Variants in ME1 observed in about 807,000 individuals in gnomAD.
ME1 encodes the protein malic enzyme 1.
In ME1, 74 loss-of-function variants were observed where a neutral mutation model predicts 66.4. The ratio of observed to expected loss-of-function variants is 1.11; its 90% CI spans 0.92 to 1.35. The LOEUF (loss-of-function observed/expected upper bound fraction) is 1.35. Among genes scored for constraint, ME1 ranks in the 40% most tolerant of loss-of-function variants. The pLI, the probability that ME1 is intolerant of heterozygous loss-of-function variation, is 0.00. For synonymous variants in ME1, 251 were observed against 235.6 expected (o/e 1.07, Z -0.60); for missense variants, 750 against 694.1 (o/e 1.08, Z -0.90).
intron 6 of ME1, among the ~76,000 whole-genome samples, chr6:83,303,746 T>C (rs928999820): frequency 4.6e-5 from 7 of 152,146 alleles, no homozygotes; most frequent in African/African-American, 1.7e-4. Context: ...TTTAGAAACA[T>C]TTAATTCTAA....
intron 5 of ME1, among the ~76,000 whole-genome samples, chr6:83,339,917 A>G (rs1356048242): frequency 7.0e-6 from 1 of 142,016 alleles, no homozygotes; most frequent in Non-Finnish European, 1.5e-5. Context: ...ACATGTATAC[A>G]TATGTAACTA....
Position 83,227,356 on chromosome 6 carries a change from C to T in ME1, c.1254G>A (p.Glu418=), listed in dbSNP as rs1310464270. 8 of 1,581,924 alleles carry T rather than the reference C, an allele frequency of 5.1e-6. No individual in the cohort carries two copies. In the Admixed American group the frequency reaches 6.9e-5, roughly 14 times the overall value. ...NPTSKAECSA[E]QCYKITKGRA... The stretch of plus-strand genomic sequence containing the variant: ...TTACCTTGGTTATTTTGTAGCACTG[C>T]TCTGCAGAACATTCTGCTTTGCTAG... Residue 418 remains glutamate, a synonymous_variant, in exon 11 of 14, where the codon GAG becomes GAA. Coordinates refer to ENST00000369705, the MANE Select transcript of ME1 (RefSeq NM_002395.6).
At chr6:83,399,149 C>G (rs1769797650) in intron 2 of ME1, among the ~76,000 whole-genome samples, 1 of 151,698 alleles carries the variant, frequency 6.6e-6, no homozygotes, top group Admixed American at 6.6e-5. Flanking sequence ...CGTGCACCAA[C>G]AAGCCCGGCT....
chr6:83,239,848 A>C (rs1790478939), intron 7 of ME1, among the ~76,000 whole-genome samples: 2 of 152,040 alleles, frequency 1.3e-5, no homozygotes, highest in African/African-American at 4.8e-5. Flanking sequence ...ATTCTTGAAA[A>C]CTTCCCTAAA....
Position 83,376,804 on chromosome 6 carries a change from C to CAAAAAAAAAAAAAAAAA in ME1, c.362+21562_362+21563insTTTTTTTTTTTTTTTTT, listed in dbSNP as rs70987750. ...GGCGACAGAACCAGACCCTGTCTCA[C>CAAAAAAAAAAAAAAAAA]AAAAAAAAAAAAAAAATTCAAAAAA... On this transcript the variant is annotated intron_variant, in intron 3 of 13. Coordinates refer to ENST00000369705, the MANE Select transcript of ME1 (RefSeq NM_002395.6). 5.2e-3 allele frequency among the ~76,000 whole-genome samples: 454 copies of CAAAAAAAAAAAAAAAAA among 86,936 alleles called. 14 individuals carry two copies. Among genetic ancestry groups the CAAAAAAAAAAAAAAAAA allele is most frequent in the African/African-American group, 0.016 (407 of 25,482 alleles). 57.0% of individuals were successfully genotyped at this position (86,936 alleles called of 152,430 possible).
intron 5 of ME1, among the ~76,000 whole-genome samples, chr6:83,317,237 T>A (rs2128539626): frequency 6.6e-6 from 1 of 151,498 alleles, no homozygotes; most frequent in South Asian, 2.1e-4. Context: ...TTTTAATAAC[T>A]TTTTAAGAAA....
rs554857952 is a variant in ME1 at position 83,358,866 on chromosome 6, G to GT, written c.363-6728dup. Among the ~76,000 whole-genome samples the GT allele has an allele frequency of 9.8e-4, 144 of 146,278 alleles. 1 individual carries two copies. The highest frequency in any genetic ancestry group is 2.0e-3 in the East Asian group (10 of 4,996). ...TGAGGCAGTTGCCAGGCAAGATAAT[G>GT]TTTTTTTTTTTCTTTTTTCTTTTTA... On this transcript the variant is annotated intron_variant, in intron 3 of 13. Transcript: ENST00000369705.
At chr6:83,327,662 T>G (rs1172280960) in intron 5 of ME1, among the ~76,000 whole-genome samples, 1 of 152,174 alleles carries the variant, frequency 6.6e-6, no homozygotes, top group Non-Finnish European at 1.5e-5. Context: ...CAATTTTAAT[T>G]TCGCCTCGGT....
intron 5 of ME1, among the ~76,000 whole-genome samples, chr6:83,343,058 A>G (rs1768619603): frequency 6.6e-6 from 1 of 152,192 alleles, no homozygotes; most frequent in Non-Finnish European, 1.5e-5. Flanking sequence ...TATACAATAC[A>G]GTGTTGGTAA....
chr6:83,324,461 A>G (rs2128540958), intron 5 of ME1, among the ~76,000 whole-genome samples: 1 of 152,172 alleles, frequency 6.6e-6, no homozygotes, highest in South Asian at 2.1e-4. Context: ...AAGAAAAGAG[A>G]GAAGAATCAA....
In ME1 at chr6:83,223,879, C is replaced by T; in HGVS notation, c.1330G>A (p.Gly444Arg). The T allele has an allele frequency of 2.5e-6, 4 of 1,614,016 alleles. No individual in the cohort carries two copies. The highest frequency in any genetic ancestry group is 3.4e-6 in the Non-Finnish European group (4 of 1,179,956). Residue 444 changes from glycine (G) to arginine (R), a missense_variant, in exon 12 of 14, where the codon GGA becomes AGA. By Grantham distance (125) the Gly-to-Arg change is moderately radical (BLOSUM62 -2). Coordinates refer to ENST00000369705, the MANE Select transcript of ME1 (RefSeq NM_002395.6). ...SPFDPVTLPN[G>R]QTLYPGQGNN... ...CCTTGGCCAGGATATAGGGTCTGTCCATTTGGAAGAGTGACTGGATCAAAA... is the reference window on the plus strand; with the variant it reads ...CCTTGGCCAGGATATAGGGTCTGTCTATTTGGAAGAGTGACTGGATCAAAA...
chr6:83,344,486 G>A (rs1209499937), intron 5 of ME1, among the ~76,000 whole-genome samples: 2 of 152,110 alleles, frequency 1.3e-5, no homozygotes, highest in African/African-American at 2.4e-5. Context: ...GGGAGGCTGA[G>A]GTGGGAGAAT....
At chr6:83,375,131 G>C (rs1769262399) in intron 3 of ME1, among the ~76,000 whole-genome samples, 1 of 152,180 alleles carries the variant, frequency 6.6e-6, no homozygotes, top group Admixed American at 6.5e-5. Context: ...ATTCTGTGAA[G>C]AATGTCAATG....
At chr6:83,289,622 T>C (rs535037529) in intron 6 of ME1, among the ~76,000 whole-genome samples, 25 of 152,332 alleles carry the variant, frequency 1.6e-4, no homozygotes, top group Admixed American at 1.0e-3. Context: ...TGCCAGGCTT[T>C]GGTATCAGGA....
Position 83,278,121 on chromosome 6 carries a change from C to G in ME1, c.705-24383G>C, listed in dbSNP as rs1305360611. ...GTTAACAACTCAATCCATCATGATG[C>G]ATTAGGTTGCCCCCAAAACTAGAAA... On this transcript the variant is annotated intron_variant, in intron 6 of 13. Transcript: ENST00000369705. Among the ~76,000 whole-genome samples the G allele has an allele frequency of 3.3e-5, 5 of 152,064 alleles. No homozygotes were observed. In the East Asian group the frequency reaches 9.6e-4, roughly 29 times the overall value.
chr6:83,392,852 T>C, intron 3 of ME1: 1 of 765,680 alleles, frequency 1.3e-6, no homozygotes, highest in South Asian at 1.3e-5. Context: ...AGCTCAAGAT[T>C]ATCAGCAATG....
At chr6:83,253,357 T>C (rs900651807) in intron 7 of ME1, among the ~76,000 whole-genome samples, 8 of 152,132 alleles carry the variant, frequency 5.3e-5, no homozygotes, top group Non-Finnish European at 1.0e-4. Context: ...TCTCATACAT[T>C]TCATTCTTTG....
At chr6:83,290,648 GT>G (rs1767484256) in intron 6 of ME1, among the ~76,000 whole-genome samples, 1 of 152,092 alleles carries the variant, frequency 6.6e-6, no homozygotes, top group Admixed American at 6.5e-5. Context: ...GGTCCACTTG[GT>G]CCAGAGCTGA....
chr6:83,371,895 T>C (rs1258498069), intron 3 of ME1, among the ~76,000 whole-genome samples: 2 of 152,168 alleles, frequency 1.3e-5, no homozygotes, highest in Non-Finnish European at 2.9e-5. Flanking sequence ...GTTCTCAGGG[T>C]ACTTCCTTTG....
Sources: allele counts gnomAD v4.1 joint callset (sites outside exome capture counted in the v4.1 genomes callset), GRCh38; gene constraint gnomAD v4.1.1; transcripts MANE v1.5; gene names NCBI Gene and HGNC (gene_info 2026-07-23, HGNC 2026-07-21).